PFKM: variants seen among roughly 807,000 people sequenced by gnomAD.
The protein encoded by PFKM is ATP-dependent 6-phosphofructokinase, muscle type.
In PFKM, 58 loss-of-function variants were observed where a neutral mutation model predicts 95.5. The observed-to-expected ratio is 0.61, with a 90% CI of 0.49 to 0.76. The LOEUF is 0.76. Among genes scored for constraint, PFKM ranks in the 30% least tolerant of loss-of-function variants. PFKM has a pLI of 0.00. For missense variants in PFKM, 678 were observed against 1,005.4 expected (o/e 0.67, Z 4.40); for synonymous variants, 336 against 357.2 (o/e 0.94, Z 0.67).
At chr12:48,131,251 C>G in intron 3 of PFKM, 65 bp from the exon 4 acceptor site, 1 of 1,113,668 alleles carries the variant, frequency 9.0e-7, no homozygotes, top group Non-Finnish European at 1.4e-6. Context: ...CCCAGGGATC[C>G]TGTCTTAATC....
intron 3 of PFKM, chr12:48,108,291 G>A: frequency 1.8e-6 from 2 of 1,114,562 alleles, no homozygotes; most frequent in Non-Finnish European, 2.5e-6. Flanking sequence ...ACCTACTAAA[G>A]CTGAAATATA....
chr12:48,115,444 A>G (rs1441060256), upstream of PFKM, among the ~76,000 whole-genome samples: 1 of 152,208 alleles, frequency 6.6e-6, no homozygotes, highest in African/African-American at 2.4e-5. Flanking sequence ...GGTGGATCTC[A>G]CAAAGTACGT....
At chr12:48,111,594 T>C (rs1444534664) in intron 3 of PFKM, among the ~76,000 whole-genome samples, 4 of 152,274 alleles carry the variant, frequency 2.6e-5, no homozygotes, top group South Asian at 2.1e-4. Flanking sequence ...GCCTCAATGA[T>C]AGATGTGGAA....
rs576698887 is a variant in PFKM, at chr12:48,135,107, T to C, written c.843+69T>C. On this transcript the variant is annotated intron_variant, in intron 9 of 22. Transcript: ENST00000359794. The stretch of plus-strand genomic sequence containing the variant: ...ATTCCCTTCTGGCTTCTGAGTCTCC[T>C]GACATTGCTTCTCCCCTTGGTCCTT... 34 of 1,267,918 alleles carry C rather than the reference T, an allele frequency of 2.7e-5. No individual in the cohort carries two copies. In the East Asian group the frequency reaches 7.4e-4, roughly 28 times the overall value. The allele number at this position is 1,267,918 out of a possible 1,614,324, so 78.5% of individuals were successfully genotyped here.
At chr12:48,123,529 T>C (rs1245142608) in intron 2 of PFKM, among the ~76,000 whole-genome samples, 1 of 152,178 alleles carries the variant, frequency 6.6e-6, no homozygotes, top group Non-Finnish European at 1.5e-5. Context: ...GGGTATTGAT[T>C]TTTTTAAAAA....
In PFKM at chr12:48,141,973, C is replaced by T. The variant is rs772722445; in HGVS notation, c.1560C>T (p.Ile520=). 2 of 1,613,960 alleles carry T rather than the reference C, an allele frequency of 1.2e-6. No individual in the cohort carries two copies. Among genetic ancestry groups the T allele is most frequent in the African/African-American group, 2.7e-5 (2 of 74,928 alleles). ...EGRKQFDELC[I]PFVVIPATVS... ...GGAAGCAGTTTGATGAGCTCTGCATCCCATTTGTGGTCATTCCTGCTACAG... is the reference window on the plus strand; with the variant it reads ...GGAAGCAGTTTGATGAGCTCTGCATTCCATTTGTGGTCATTCCTGCTACAG... Residue 520 remains isoleucine, a synonymous_variant, in exon 17 of 23, where the codon ATC becomes ATT. Coordinates refer to ENST00000359794, the MANE Select transcript of PFKM (RefSeq NM_000289.6).
upstream of PFKM, among the ~76,000 whole-genome samples, chr12:48,116,083 G>A (rs528455105): frequency 1.3e-5 from 2 of 152,086 alleles, no homozygotes; most frequent in Admixed American, 6.5e-5. Context: ...GTTCACATCC[G>A]CTGTAATACT....
At chr12:48,116,055 G>A (rs888951625), upstream of PFKM, among the ~76,000 whole-genome samples, 1 of 152,100 alleles carries the variant, frequency 6.6e-6, no homozygotes, top group African/African-American at 2.4e-5. Context: ...TACCAGCAAT[G>A]CAGAAGGGTT....
chr12:48,138,501 G>C (rs543785224), intron 11 of PFKM, among the ~76,000 whole-genome samples: 1 of 152,248 alleles, frequency 6.6e-6, no homozygotes, highest in South Asian at 2.1e-4. Context: ...CCTTCTCTCT[G>C]AGACTCAGGA....
At chr12:48,137,934 G>T (rs1035461068) in intron 11 of PFKM, 88 bp downstream of exon 11, 1 of 1,438,340 alleles carries the variant, frequency 7.0e-7, no homozygotes, top group Non-Finnish European at 9.8e-7. Flanking sequence ...TAAGGCCACT[G>T]GTATAGGAGC....
In PFKM at chr12:48,145,307, A is replaced by G. The variant is rs926218950; in HGVS notation, c.2190A>G (p.Thr730=). The change falls in exon 22 of 23, where the codon ACA becomes ACG. Residue 730 remains threonine, a synonymous_variant. Transcript: ENST00000359794. The surrounding 1 kb of genome is among the most constrained non-coding windows in gnomAD (Gnocchi z 4.3). ...FQPVAELKDQ[T]DFEHRIPKEQ... is the part of the protein sequence containing the mutation. ...CAGTGGCTGAGCTGAAGGACCAGAC[A>G]GATTTTGAGTGAGTACATCTGCTTC... 3 of 1,612,784 alleles carry G rather than the reference A, an allele frequency of 1.9e-6. No homozygotes were observed. The highest frequency in any genetic ancestry group is 1.3e-5 in the African/African-American group (1 of 74,894).
At chr12:48,142,760 C>T in intron 17 of PFKM, 22 bp from the exon 18 acceptor site, 2 of 1,610,920 alleles carry the variant, frequency 1.2e-6, no homozygotes, top group South Asian at 2.2e-5. Flanking sequence ...GTCTTTCTAA[C>T]TATAACCCAT....
rs978905879 is a variant in PFKM, at chr12:48,134,156, T to C, written c.594-76T>C. The C allele has an allele frequency of 1.7e-5, 20 of 1,184,626 alleles. No individual in the cohort carries two copies. The South Asian group carries it at 1.8e-4, about 11-fold the overall frequency. 73.4% of individuals were successfully genotyped at this position (1,184,626 alleles called of 1,614,324 possible). Reference sequence around the variant, plus strand: ...TACATGTATCTCCCAGAGAGGGTAATTGGCCTAGATGTGGGTGGTGGCTTG... The same window carrying C: ...TACATGTATCTCCCAGAGAGGGTAACTGGCCTAGATGTGGGTGGTGGCTTG... On this transcript the variant is annotated intron_variant, in intron 6 of 22. Coordinates refer to ENST00000359794, the MANE Select transcript of PFKM (RefSeq NM_000289.6).
chr12:48,130,317 T>G, intron 2 of PFKM, 46 bp from the exon 3 acceptor site: 1 of 1,412,738 alleles, frequency 7.1e-7, no homozygotes, highest in South Asian at 1.1e-5. Context: ...AGGGCGCCTT[T>G]TCTTAGGAGC....
At chr12:48,106,248 T>A (rs990296905) in intron 1 of PFKM, 29 of 619,760 alleles carry the variant, frequency 4.7e-5, no homozygotes, top group Middle Eastern at 5.1e-4. Flanking sequence ...CATTTAAGAC[T>A]AGTCGTAATT....
rs140505809 is a variant in PFKM at position 48,124,269 on chromosome 12, C to A, written c.85+1410C>A. Among the ~76,000 whole-genome samples, 13 of 152,240 alleles carry A rather than the reference C, an allele frequency of 8.5e-5. No homozygotes were observed. In the East Asian group the frequency reaches 2.5e-3, roughly 29 times the overall value. ...TAGTGACCAGATTAGGAATGCAGAGCCCTAGTTGAGTTTGCAGAAACCACA... is the reference window on the plus strand; with the variant it reads ...TAGTGACCAGATTAGGAATGCAGAGACCTAGTTGAGTTTGCAGAAACCACA... On this transcript the variant is annotated intron_variant, in intron 2 of 22. Transcript: ENST00000359794.
At chr12:48,119,408 C>T, upstream of PFKM, 1 of 985,890 alleles carries the variant, frequency 1.0e-6, no homozygotes, top group Non-Finnish European at 1.2e-6. Flanking sequence ...GACTAAAAGG[C>T]AAGAGGGGCC....
intron 2 of PFKM, among the ~76,000 whole-genome samples, chr12:48,128,702 T>A (rs1481108609): frequency 6.6e-6 from 1 of 152,192 alleles, no homozygotes; most frequent in African/African-American, 2.4e-5. Flanking sequence ...TTCAAAAGTT[T>A]GTGATGGTTT....
Position 48,131,602 on chromosome 12 carries a change from C to A in PFKM, c.237+209C>A. 3 of 614,906 alleles carry A rather than the reference C, an allele frequency of 4.9e-6. No homozygotes were observed. The South Asian group carries it at 5.5e-5, about 11-fold the overall frequency. The allele number at this position is 614,906 out of a possible 1,614,324, so 38.1% of individuals were successfully genotyped here. On this transcript the variant is annotated intron_variant, in intron 4 of 22. Coordinates refer to ENST00000359794, the MANE Select transcript of PFKM (RefSeq NM_000289.6). Reference sequence around the variant, plus strand: ...GGCAGGGAGAGGGTGGAGGAGTGATCACAGGATGCTTTGCTCTTTATGGAA... The same window carrying A: ...GGCAGGGAGAGGGTGGAGGAGTGATAACAGGATGCTTTGCTCTTTATGGAA...
Sources: gnomAD v4.1 joint callset for allele counts (sites outside exome capture counted in the v4.1 genomes callset) on GRCh38, gnomAD v4.1.1 for gene constraint, Gnocchi (gnomAD v3.1) non-coding constraint, MANE v1.5 for transcripts, NCBI Gene and HGNC (gene_info 2026-07-23, HGNC 2026-07-21) for gene names.